DLG2: variants seen among roughly 807,000 people sequenced by gnomAD.
The protein encoded by DLG2 is discs large MAGUK scaffold protein 2.
In DLG2, 45 loss-of-function variants were observed where a neutral mutation model predicts 132.5. That is an observed-to-expected ratio of 0.34 (90% CI 0.27 to 0.44). The LOEUF is 0.44. Among genes scored for constraint, DLG2 ranks in the 20% least tolerant of loss-of-function variants. The probability of loss-of-function intolerance (pLI) is 1.00; values close to 1 mark genes in which losing one functional copy is unlikely to be tolerated. For synonymous variants in DLG2, 424 were observed against 419.6 expected, an observed-to-expected ratio of 1.01 and a Z score of -0.13; for missense variants, 1,045 against 1,196.9, an observed-to-expected ratio of 0.87 and a Z score of 1.87.
intron 18 of DLG2, among the ~76,000 whole-genome samples, chr11:83,739,412 A>G (rs2092311234): frequency 6.6e-6 from 1 of 152,212 alleles, no homozygotes; most frequent in Non-Finnish European, 1.5e-5. Flanking sequence ...AATTAAAAAG[A>G]ACATTAAGCA....
At position 83,585,850 on chromosome 11, in the gene DLG2, G is replaced by A. The variant is rs2153264221; in HGVS notation, c.1941-43992C>T. 1.3e-5 allele frequency among the ~76,000 whole-genome samples: 2 copies of A among 152,268 alleles called. 1 individual carries two copies. Among genetic ancestry groups the A allele is most frequent in the East Asian group, 3.9e-4 (2 of 5,184 alleles). The stretch of plus-strand genomic sequence containing the variant: ...AAGGCTGAAAATACACGAGAACAAG[G>A]TATATCATTACCATGGTATAATTAT... On this transcript the variant is annotated intron_variant, in intron 19 of 27. Coordinates refer to ENST00000376104, the MANE Select transcript of DLG2 (RefSeq NM_001142699.3).
intron 17 of DLG2, chr11:83,791,147 G>T: frequency 1.5e-6 from 1 of 647,650 alleles, no homozygotes; most frequent in Non-Finnish European, 2.8e-6. Flanking sequence ...CTCAGAGTTT[G>T]TGGGTCGAAG....
chr11:84,211,016 A>G (rs1198241720), intron 8 of DLG2, among the ~76,000 whole-genome samples: 1 of 152,244 alleles, frequency 6.6e-6, no homozygotes, highest in Non-Finnish European at 1.5e-5. Context: ...TAAGGAAAAG[A>G]AAAGCTCTGA....
chr11:85,134,385 C>T (rs370449619), intron 5 of DLG2, among the ~76,000 whole-genome samples: 56 of 149,814 alleles, frequency 3.7e-4, no homozygotes, highest in African/African-American at 1.3e-3. Context: ...AAAAATTAGC[C>T]GGGCGTAGTG....
chr11:84,213,589 GCGGGTGGATCA>G (rs2096786821), intron 8 of DLG2, among the ~76,000 whole-genome samples: 1 of 152,078 alleles, frequency 6.6e-6, no homozygotes, highest in Non-Finnish European at 1.5e-5. Context: ...GGAGGCCGAG[GCGGGTGGATCA>G]CGAGGTCAGG....
At chr11:84,991,946 A>C (rs891731340) in intron 6 of DLG2, among the ~76,000 whole-genome samples, 8 of 152,218 alleles carry the variant, frequency 5.3e-5, no homozygotes, top group African/African-American at 1.7e-4. Flanking sequence ...GTCTAAATTT[A>C]TCTCTCCAGC....
At chr11:84,873,851 T>A (rs1229345205) in intron 6 of DLG2, among the ~76,000 whole-genome samples, 1 of 152,202 alleles carries the variant, frequency 6.6e-6, no homozygotes, top group Non-Finnish European at 1.5e-5. Flanking sequence ...TGAATAAAAT[T>A]AGCAGATCAA....
chr11:85,185,927 G>T (rs1190450299), intron 4 of DLG2, among the ~76,000 whole-genome samples: 1 of 151,966 alleles, frequency 6.6e-6, no homozygotes, highest in African/African-American at 2.4e-5. Flanking sequence ...GAGGCCTAGA[G>T]TTTGTCACTT....
At chr11:83,851,510 C>G (rs1474763787) in intron 16 of DLG2, among the ~76,000 whole-genome samples, 2 of 151,820 alleles carry the variant, frequency 1.3e-5, no homozygotes, top group Non-Finnish European at 2.9e-5. Flanking sequence ...ACCTGTAATC[C>G]CAGCTACTCG....
intron 3 of DLG2, among the ~76,000 whole-genome samples, chr11:85,518,943 G>T (rs971341926): frequency 9.2e-5 from 14 of 152,184 alleles, no homozygotes; most frequent in African/African-American, 3.1e-4. Context: ...TCCACGTGGT[G>T]TTGAGCCTGT....
At chr11:83,906,067 CTCTCTCTCTCTCTCTA>C (rs2074652844) in intron 15 of DLG2, among the ~76,000 whole-genome samples, 1 of 104,452 alleles carries the variant, frequency 9.6e-6, no homozygotes, top group Non-Finnish European at 1.9e-5. Flanking sequence ...CTCTCTCTCT[CTCTCTCTCTCTCTCTA>C]TATATATATA....
At chr11:83,608,694 A>G (rs1400363106) in intron 19 of DLG2, among the ~76,000 whole-genome samples, 1 of 151,994 alleles carries the variant, frequency 6.6e-6, no homozygotes, top group Admixed American at 6.6e-5. Flanking sequence ...TATACTTCAG[A>G]TAAATAAATC....
At position 83,925,075 on chromosome 11, in the gene DLG2, C is replaced by T. The variant is rs12225408; in HGVS notation, c.1496+5253G>A. 3.9e-4 allele frequency among the ~76,000 whole-genome samples: 60 copies of T among 152,126 alleles called. No homozygotes were observed. In the East Asian group the frequency reaches 0.01, roughly 26 times the overall value. On this transcript the variant is annotated intron_variant, in intron 15 of 27. Coordinates refer to ENST00000376104, the MANE Select transcript of DLG2 (RefSeq NM_001142699.3). ...ATGCTAAATTAAATAAGCAGGAGGC[C>T]CTTAGGTTAACGCTGTCTCCATACT...
At position 84,502,207 on chromosome 11, in the gene DLG2, CTTCCTTCCTTCCTTCCTTCCTTCCTT is replaced by C. The variant is rs2099211700; in HGVS notation, c.519+32337_519+32362del. Among the ~76,000 whole-genome samples, 2 of 3,810 alleles carry C rather than the reference CTTCCTTCCTTCCTTCCTTCCTTCCTT, an allele frequency of 5.2e-4. 1 individual carries two copies. The highest frequency in any genetic ancestry group is 0.031 in the South Asian group (2 of 64). The allele number at this position is 3,810 out of a possible 152,430, so 2.5% of individuals were successfully genotyped here. On this transcript the variant is annotated intron_variant, in intron 7 of 27. Coordinates refer to ENST00000376104, the MANE Select transcript of DLG2 (RefSeq NM_001142699.3). ...CTCTTTCTCTCTCTCTCTCTCCTTC[CTTCCTTCCTTCCTTCCTTCCTTCCTT>C]CCTTCCTTCCTTCCTTCCTTCCTTC...
chr11:84,683,293 T>C (rs897039354), intron 6 of DLG2, among the ~76,000 whole-genome samples: 7 of 152,178 alleles, frequency 4.6e-5, no homozygotes, highest in Non-Finnish European at 1.0e-4. Flanking sequence ...CTTAGCACTA[T>C]CTCCATTCTC....
chr11:84,898,240 G>T (rs552916344), intron 6 of DLG2, among the ~76,000 whole-genome samples: 11 of 151,880 alleles, frequency 7.2e-5, no homozygotes, highest in African/African-American at 2.7e-4. Context: ...CTAATCAGCT[G>T]TAATACTTCA....
chr11:83,736,271 A>G lies in DLG2; in HGVS notation c.1825+50419T>C, dbSNP rs189521121. On this transcript the variant is annotated intron_variant, in intron 18 of 27. Transcript: ENST00000376104. ...GGTCATGTGTCCCTGAGCAGATTAG[A>G]TTACTTAGCTTCTCTGTCTCTCAGT... is the stretch of plus-strand genomic sequence containing the variant. 2.0e-5 allele frequency among the ~76,000 whole-genome samples: 3 copies of G among 152,238 alleles called. No individual in the cohort carries two copies. The East Asian group carries it at 5.8e-4, about 29-fold the overall frequency.
intron 18 of DLG2, among the ~76,000 whole-genome samples, chr11:83,766,711 T>A (rs190289575): frequency 2.6e-5 from 4 of 152,308 alleles, no homozygotes; most frequent in Admixed American, 2.6e-4. Context: ...TATATTTTCT[T>A]TCATTTTTCT....
At chr11:84,658,969 C>G (rs1029255990) in intron 6 of DLG2, among the ~76,000 whole-genome samples, 8 of 152,142 alleles carry the variant, frequency 5.3e-5, no homozygotes, top group Non-Finnish European at 1.0e-4. Flanking sequence ...GAACTGAGCC[C>G]TCACTAAACA....
Sources: gnomAD v4.1 joint callset for allele counts (sites outside exome capture counted in the v4.1 genomes callset) on GRCh38, gnomAD v4.1.1 for gene constraint, MANE v1.5 for transcripts, NCBI Gene and HGNC (gene_info 2026-07-23, HGNC 2026-07-21) for gene names.